The following TEAD1 variants were observed in gnomAD, a reference collection of about 807,000 sequenced individuals.
The protein encoded by TEAD1 is TEA domain transcription factor 1.
A neutral mutation model predicts 54.9 loss-of-function variants in TEAD1; 9 were observed. That is an observed-to-expected ratio of 0.16 (90% CI 0.10 to 0.29). The LOEUF is 0.29. TEAD1 is among the 10% of genes least tolerant of loss of function. TEAD1 has a pLI of 1.00. For missense variants in TEAD1, 387 were observed against 535.9 expected, an observed-to-expected ratio of 0.72 and a Z score of 2.74; for synonymous variants, 200 against 187.8, an observed-to-expected ratio of 1.07 and a Z score of -0.53.
intron 2 of TEAD1, among the ~76,000 whole-genome samples, chr11:12,761,410 G>A (rs1945100889): frequency 6.6e-6 from 1 of 152,216 alleles, no homozygotes; most frequent in African/African-American, 2.4e-5. Flanking sequence ...TAGACACTAA[G>A]TGTGCAGTTA....
intron 2 of TEAD1, among the ~76,000 whole-genome samples, chr11:12,752,531 T>C (rs1226540219): frequency 6.6e-6 from 1 of 152,184 alleles, no homozygotes; most frequent in Non-Finnish European, 1.5e-5. Flanking sequence ...GTATAGTATA[T>C]ATTTCTTTGT....
chr11:12,698,483 C>T (rs1943633085), intron 2 of TEAD1, among the ~76,000 whole-genome samples: 1 of 151,588 alleles, frequency 6.6e-6, no homozygotes, highest in Admixed American at 6.6e-5. Flanking sequence ...GGTTTTCAGA[C>T]CAGTGAATAT....
At chr11:12,743,168 T>C (rs138685670) in intron 2 of TEAD1, among the ~76,000 whole-genome samples, 1 of 152,234 alleles carries the variant, frequency 6.6e-6, no homozygotes, top group African/African-American at 2.4e-5. Context: ...CACATACTAG[T>C]TATCTGTTCC....
chr11:12,862,518 C>A (rs1436578615), intron 4 of TEAD1, among the ~76,000 whole-genome samples: 4 of 152,116 alleles, frequency 2.6e-5, no homozygotes, highest in African/African-American at 2.4e-5. Context: ...CTTACAAGTT[C>A]CTTTTATACT....
At chr11:12,758,417 T>C (rs1945030651) in intron 2 of TEAD1, among the ~76,000 whole-genome samples, 1 of 144,646 alleles carries the variant, frequency 6.9e-6, no homozygotes, top group Non-Finnish European at 1.5e-5. Context: ...TTTTTTTTTT[T>C]TTTTTTTTTT....
In TEAD1 at chr11:12,816,419, G is replaced by A. The variant is rs140190411; in HGVS notation, c.203-45831G>A. Among the ~76,000 whole-genome samples the A allele has an allele frequency of 1.1e-3, 161 of 152,246 alleles. 1 individual carries two copies. The highest frequency in any genetic ancestry group is 3.5e-3 in the African/African-American group (145 of 41,548). ...CCCAGGAGCCCCTTTTCTTCTGCAC[G>A]CTCTTTTTCCAGGGGATTTCAGGGT... On this transcript the variant is annotated intron_variant, in intron 3 of 12. Transcript: ENST00000527636.
At chr11:12,797,386 C>T (rs1945955216) in intron 3 of TEAD1, among the ~76,000 whole-genome samples, 6 of 152,154 alleles carry the variant, frequency 3.9e-5, no homozygotes, top group Admixed American at 3.9e-4. Flanking sequence ...GGTCCTCAGA[C>T]TAGGGCTTTC....
At chr11:12,923,994 A>G (rs1267720980) in intron 10 of TEAD1, among the ~76,000 whole-genome samples, 1 of 152,222 alleles carries the variant, frequency 6.6e-6, no homozygotes, top group Non-Finnish European at 1.5e-5. Context: ...GCACAGTGCT[A>G]ATCATACCAC....
chr11:12,748,393 A>G (rs1944794729), intron 2 of TEAD1, among the ~76,000 whole-genome samples: 2 of 152,222 alleles, frequency 1.3e-5, no homozygotes, highest in Admixed American at 1.3e-4. Context: ...GGCTGTGTCC[A>G]GGCATCTTGG....
intron 2 of TEAD1, among the ~76,000 whole-genome samples, chr11:12,761,710 C>T (rs963089789): frequency 1.3e-5 from 2 of 152,124 alleles, no homozygotes; most frequent in African/African-American, 2.4e-5. Context: ...TCTGTCATAC[C>T]TAAATGGGTA....
chr11:12,675,002 G>T (rs1325556087), intron 1 of TEAD1, among the ~76,000 whole-genome samples, 168 bp downstream of exon 1: 3 of 142,532 alleles, frequency 2.1e-5, no homozygotes, highest in Non-Finnish European at 4.6e-5. Context: ...CCGCCTCCCC[G>T]CGCCCCCTCC....
chr11:12,688,112 C>T (rs1227072422), intron 2 of TEAD1, among the ~76,000 whole-genome samples: 1 of 152,172 alleles, frequency 6.6e-6, no homozygotes, highest in Non-Finnish European at 1.5e-5. Flanking sequence ...ACCTTGACTT[C>T]ACTTTTTGAG....
chr11:12,906,270 G>A (rs1056501293), intron 10 of TEAD1, among the ~76,000 whole-genome samples: 2 of 152,096 alleles, frequency 1.3e-5, no homozygotes, highest in African/African-American at 4.8e-5. Flanking sequence ...GGCCTGGCGT[G>A]GTGGCTCACA....
chr11:12,776,992 T>G (rs1564936024), intron 3 of TEAD1, among the ~76,000 whole-genome samples: 1 of 151,890 alleles, frequency 6.6e-6, no homozygotes, highest in East Asian at 1.9e-4. Context: ...GGGGTTTCAC[T>G]GTGTTGGCCA....
intron 5 of TEAD1, among the ~76,000 whole-genome samples, chr11:12,869,117 C>G (rs967925068): frequency 6.6e-6 from 1 of 152,136 alleles, no homozygotes; most frequent in Non-Finnish European, 1.5e-5. Flanking sequence ...GAAGGGCCCT[C>G]GATTATCCCA....
intron 3 of TEAD1, among the ~76,000 whole-genome samples, chr11:12,854,042 A>G (rs1290911751): frequency 1.3e-5 from 2 of 152,100 alleles, no homozygotes; most frequent in Non-Finnish European, 2.9e-5. Context: ...GTGAACTTCT[A>G]GTTTGGGAAC....
chr11:12,821,537 G>A (rs900079632), intron 3 of TEAD1, among the ~76,000 whole-genome samples: 8 of 152,160 alleles, frequency 5.3e-5, no homozygotes, highest in African/African-American at 1.9e-4. Flanking sequence ...TATTAAATGG[G>A]AGTACAAATG....
chr11:12,851,326 T>C (rs943963054), intron 3 of TEAD1, among the ~76,000 whole-genome samples: 4 of 152,184 alleles, frequency 2.6e-5, no homozygotes, highest in Non-Finnish European at 5.9e-5. Flanking sequence ...ATAAGGACTA[T>C]AGTTAGAATT....
At chr11:12,928,719 A>G (rs928842950) in intron 11 of TEAD1, among the ~76,000 whole-genome samples, 6 of 151,988 alleles carry the variant, frequency 3.9e-5, no homozygotes, top group African/African-American at 7.3e-5. Flanking sequence ...GTTTTTTAGC[A>G]TGTACTTTTA....
Sources: allele counts gnomAD v4.1 joint callset (sites outside exome capture counted in the v4.1 genomes callset), GRCh38; gene constraint gnomAD v4.1.1; transcripts MANE v1.5; gene names NCBI Gene and HGNC (gene_info 2026-07-23, HGNC 2026-07-21).